Variants in TMEM117 observed in about 807,000 individuals in gnomAD.
The protein encoded by TMEM117 is transmembrane protein 117.
Under a neutral mutation model 52.4 loss-of-function variants are expected in TMEM117, and 27 were observed. That is an observed-to-expected ratio of 0.51 (90% confidence interval 0.38 to 0.71). TMEM117 has a LOEUF of 0.71. Ranked by LOEUF, TMEM117 falls within the 30% of genes least tolerant of loss-of-function variation. The probability of loss-of-function intolerance (pLI) is 0.00; values close to 1 mark genes in which losing one functional copy is unlikely to be tolerated. For missense variants in TMEM117, 556 were observed against 630.5 expected (o/e 0.88, Z 1.26); for synonymous variants, 215 against 206.3 (o/e 1.04, Z -0.36).
At chr12:44,230,899 C>A (rs1312115081) in intron 5 of TMEM117, among the ~76,000 whole-genome samples, 1 of 151,948 alleles carries the variant, frequency 6.6e-6, no homozygotes, top group Non-Finnish European at 1.5e-5. Context: ...TCCCTCCTCC[C>A]TGAAGCACTT....
intron 4 of TMEM117, among the ~76,000 whole-genome samples, chr12:44,189,465 T>G (rs1949323307): frequency 6.6e-6 from 1 of 152,150 alleles, no homozygotes; most frequent in Admixed American, 6.6e-5. Context: ...AATAGTACCC[T>G]CCAGGCAATA....
At chr12:44,375,609 T>G (rs911527516) in intron 6 of TMEM117, among the ~76,000 whole-genome samples, 1 of 152,222 alleles carries the variant, frequency 6.6e-6, no homozygotes, top group African/African-American at 2.4e-5. Context: ...CAAATAGACT[T>G]AATTTCTTTA....
At chr12:44,129,282 A>T (rs1207773231) in intron 3 of TMEM117, among the ~76,000 whole-genome samples, 1 of 152,100 alleles carries the variant, frequency 6.6e-6, no homozygotes, top group Non-Finnish European at 1.5e-5. Context: ...GTGGCCATCC[A>T]CTTTCCCCAC....
chr12:44,033,252 C>T lies in TMEM117; in HGVS notation c.410+88910C>T, dbSNP rs555422291. Among the ~76,000 whole-genome samples the T allele has an allele frequency of 6.3e-4, 96 of 152,250 alleles. 3 individuals carry two copies. The highest frequency in any genetic ancestry group is 2.2e-3 in the African/African-American group (93 of 41,542). ...AAAAGGGGAAACATGAATAATCCAC[C>T]CCTTGATTAGAATATCATCAAGAAA... On this transcript the variant is annotated intron_variant, in intron 3 of 7. Transcript: ENST00000266534.
chr12:44,351,070 G>C (rs916561281), intron 6 of TMEM117, among the ~76,000 whole-genome samples: 1 of 152,034 alleles, frequency 6.6e-6, no homozygotes, highest in African/African-American at 2.4e-5. Context: ...TAACTGGAGT[G>C]AGATAATATC....
chr12:44,062,071 C>T lies in TMEM117; in HGVS notation c.411-81454C>T, dbSNP rs117670095. Among the ~76,000 whole-genome samples the T allele has an allele frequency of 4.0e-3, 606 of 152,184 alleles. 3 individuals are homozygous for T. The highest frequency in any genetic ancestry group is 7.7e-3 in the South Asian group (37 of 4,824). Reference sequence around the variant, plus strand: ...ATTATATCAATCTCTCTATCAAGCACGGAGCAGTATCATTTTGAGGGATGA... The same window carrying T: ...ATTATATCAATCTCTCTATCAAGCATGGAGCAGTATCATTTTGAGGGATGA... On this transcript the variant is annotated intron_variant, in intron 3 of 7. Transcript: ENST00000266534.
intron 6 of TMEM117, among the ~76,000 whole-genome samples, chr12:44,372,145 C>G (rs1258787765): frequency 6.6e-6 from 1 of 152,110 alleles, no homozygotes; most frequent in Non-Finnish European, 1.5e-5. Context: ...GATTTAATAG[C>G]AGAGAACGAT....
the TMEM117 span, among the ~76,000 whole-genome samples, chr12:43,810,082 T>G: frequency 5.3e-5 from 8 of 151,616 alleles, no homozygotes; most frequent in African/African-American, 1.9e-4. Context: ...GGGAACACTT[T>G]GGTTCAAAAG....
At chr12:44,225,452 T>C (rs1949848292) in intron 5 of TMEM117, among the ~76,000 whole-genome samples, 2 of 152,160 alleles carry the variant, frequency 1.3e-5, no homozygotes, top group African/African-American at 4.8e-5. Flanking sequence ...GTTGAAACTA[T>C]CAAAGGCAAT....
chr12:44,120,940 C>T (rs1048868610), intron 3 of TMEM117, among the ~76,000 whole-genome samples: 4 of 152,196 alleles, frequency 2.6e-5, no homozygotes, highest in African/African-American at 9.7e-5. Flanking sequence ...CTGATAAAGA[C>T]ATACCCAAGA....
chr12:44,299,861 G>A, intron 6 of TMEM117, 122 bp downstream of exon 6: 2 of 1,241,174 alleles, frequency 1.6e-6, no homozygotes, highest in Non-Finnish European at 2.2e-6. Flanking sequence ...TACTTTTGAT[G>A]GGGCCTTCTC....
At chr12:44,014,300 G>A (rs1381265938) in intron 3 of TMEM117, among the ~76,000 whole-genome samples, 2 of 152,164 alleles carry the variant, frequency 1.3e-5, no homozygotes, top group African/African-American at 4.8e-5. Context: ...TGCTCCCTCA[G>A]CAGACCTGAT....
intron 2 of TMEM117, among the ~76,000 whole-genome samples, chr12:43,943,230 C>G (rs1279325171): frequency 6.8e-6 from 1 of 148,110 alleles, no homozygotes; most frequent in African/African-American, 2.5e-5. Flanking sequence ...GTCTACTCTA[C>G]TCTATTTTAA....
chr12:44,219,154 C>A (rs1439870827), intron 5 of TMEM117, among the ~76,000 whole-genome samples: 1 of 152,156 alleles, frequency 6.6e-6, no homozygotes. Flanking sequence ...TGTTCTATTA[C>A]CCTTTTATTA....
At chr12:44,154,776 A>C (rs950864230) in intron 4 of TMEM117, among the ~76,000 whole-genome samples, 16 of 150,430 alleles carry the variant, frequency 1.1e-4, no homozygotes, top group Non-Finnish European at 4.4e-5. Flanking sequence ...AAAAAAAAAA[A>C]CCCCTTGTTT....
intron 3 of TMEM117, among the ~76,000 whole-genome samples, chr12:44,002,638 A>G (rs1946133899): frequency 6.6e-6 from 1 of 151,980 alleles, no homozygotes; most frequent in African/African-American, 2.4e-5. Context: ...GTCCAGATCT[A>G]AGGGTGACAT....
chr12:43,818,420 GT>G, the TMEM117 span, among the ~76,000 whole-genome samples: 7 of 142,628 alleles, frequency 4.9e-5, no homozygotes, highest in South Asian at 2.3e-4. Context: ...ATTTGTATCT[GT>G]TTTTTTTTTG....
At chr12:44,139,402 T>C (rs1281397498) in intron 3 of TMEM117, among the ~76,000 whole-genome samples, 6 of 152,088 alleles carry the variant, frequency 3.9e-5, no homozygotes, top group Non-Finnish European at 8.8e-5. Flanking sequence ...TTTAGTCATT[T>C]TGCAACAGGT....
intron 4 of TMEM117, among the ~76,000 whole-genome samples, chr12:44,195,054 C>T (rs1234963193): frequency 6.6e-6 from 1 of 152,186 alleles, no homozygotes; most frequent in Non-Finnish European, 1.5e-5. Context: ...CAGCATTAAA[C>T]AAGACACATT....
Sources: allele counts gnomAD v4.1 joint callset (sites outside exome capture counted in the v4.1 genomes callset), GRCh38; gene constraint gnomAD v4.1.1; transcripts MANE v1.5; gene names NCBI Gene and HGNC (gene_info 2026-07-23, HGNC 2026-07-21).